The following PABPC4L variants were observed in gnomAD, a reference collection of about 807,000 sequenced individuals.
PABPC4L encodes poly(A) binding protein cytoplasmic 4 like, also known as polyadenylate-binding protein 4-like.
For missense variants in PABPC4L, 452 were observed against 451.4 expected (o/e 1.00, Z -0.01); for synonymous variants, 169 against 164.1 (o/e 1.03, Z -0.23).
chr4:134,163,016 A>C, the PABPC4L span, among the ~76,000 whole-genome samples: 1 of 152,122 alleles, frequency 6.6e-6, no homozygotes, highest in African/African-American at 2.4e-5. Flanking sequence ...AAAGATCAGA[A>C]TAGAACTACA....
chr4:134,081,137 T>C, the PABPC4L span, among the ~76,000 whole-genome samples: 1 of 152,180 alleles, frequency 6.6e-6, no homozygotes, highest in African/African-American at 2.4e-5. Flanking sequence ...AAAGTAGGTA[T>C]TAAGAAGGAC....
the PABPC4L span, among the ~76,000 whole-genome samples, chr4:134,069,582 G>C: frequency 3.3e-5 from 5 of 152,168 alleles, 1 homozygote; most frequent in South Asian, 8.3e-4. Flanking sequence ...TAAGCTCTGA[G>C]ATTCTTTCCT....
the PABPC4L span, among the ~76,000 whole-genome samples, chr4:134,144,379 T>A: frequency 6.6e-6 from 1 of 151,552 alleles, no homozygotes; most frequent in Non-Finnish European, 1.5e-5. Flanking sequence ...TATTAAATAA[T>A]CTCTGTGTAT....
chr4:134,169,602 A>T, the PABPC4L span, among the ~76,000 whole-genome samples: 1 of 152,112 alleles, frequency 6.6e-6, no homozygotes, highest in African/African-American at 2.4e-5. Context: ...ATTGCAGGAT[A>T]CAAAATCAAC....
At chr4:134,115,933 T>C in the PABPC4L span, among the ~76,000 whole-genome samples, 1 of 151,804 alleles carries the variant, frequency 6.6e-6, no homozygotes, top group African/African-American at 2.4e-5. Flanking sequence ...ATTATTTGTA[T>C]AAAAGAATAT....
At chr4:133,981,969 T>A in the PABPC4L span, among the ~76,000 whole-genome samples, 1 of 152,132 alleles carries the variant, frequency 6.6e-6, no homozygotes, top group African/African-American at 2.4e-5. Flanking sequence ...TGGACTTTTT[T>A]GTATATTTAA....
At chr4:133,972,938 G>A in the PABPC4L span, among the ~76,000 whole-genome samples, 1 of 152,220 alleles carries the variant, frequency 6.6e-6, no homozygotes. Flanking sequence ...CTCAAACACA[G>A]AAGCGAGATG....
the PABPC4L span, among the ~76,000 whole-genome samples, chr4:134,095,543 C>T: frequency 6.6e-6 from 1 of 151,896 alleles, no homozygotes; most frequent in Non-Finnish European, 1.5e-5. Context: ...TTTATACTTA[C>T]TAGTAGTGAT....
chr4:134,042,761 CATAAACA>C, the PABPC4L span, among the ~76,000 whole-genome samples: 4 of 152,032 alleles, frequency 2.6e-5, no homozygotes, highest in Non-Finnish European at 5.9e-5. Flanking sequence ...ATACATTAAA[CATAAACA>C]ATAGTGAAGA....
At chr4:133,954,102 C>A in the PABPC4L span, among the ~76,000 whole-genome samples, 3 of 152,184 alleles carry the variant, frequency 2.0e-5, no homozygotes, top group African/African-American at 7.2e-5. Context: ...TGTTCTAATT[C>A]TTTCCTCAAG....
the PABPC4L span, among the ~76,000 whole-genome samples, chr4:134,129,339 A>G: frequency 1.3e-5 from 2 of 152,302 alleles, no homozygotes; most frequent in Non-Finnish European, 2.9e-5. Flanking sequence ...ACAGATATTT[A>G]CAGAACATTC....
downstream of PABPC4L, among the ~76,000 whole-genome samples, chr4:134,194,661 A>T (rs1280353588): frequency 6.6e-6 from 1 of 151,758 alleles, no homozygotes; most frequent in Non-Finnish European, 1.5e-5. Context: ...ATTTTTTCAT[A>T]AACCAGTTGG....
At position 134,200,164 on chromosome 4, in the gene PABPC4L, G is replaced by A. The variant is rs540190827; in HGVS notation, c.856C>T (p.Arg286Ter). ...KQMFEQLKRE[R>*]IRGCQGVKLY... ...TTTACCCCCTGGCACCCACGAATTC[G>A]TTCCCTTTTCAGCTGCTCAAACATT... The change falls in exon 2 of 2, where the codon CGA becomes TGA. Residue 286 changes from arginine (R) to a stop codon, truncating the protein, a stop_gained. Coordinates refer to ENST00000421491, the MANE Select transcript of PABPC4L (RefSeq NM_001114734.2). LOFTEE classifies it low-confidence loss of function (END_TRUNC). 20 of 1,551,498 alleles carry A rather than the reference G, an allele frequency of 1.3e-5. No individual in the cohort carries two copies. In the East Asian group the frequency reaches 2.0e-4, roughly 15 times the overall value.
At chr4:134,183,021 G>A in the PABPC4L span, among the ~76,000 whole-genome samples, 3 of 151,966 alleles carry the variant, frequency 2.0e-5, no homozygotes, top group East Asian at 3.9e-4. Flanking sequence ...ATGTAAATTA[G>A]TTCAGCTATG....
the PABPC4L span, among the ~76,000 whole-genome samples, chr4:134,178,365 C>CAAAA: frequency 9.6e-6 from 1 of 104,058 alleles, no homozygotes; most frequent in Non-Finnish European, 2.0e-5. Flanking sequence ...AAGAAAAAAG[C>CAAAA]AAAAAAAAAA....
chr4:134,125,146 C>T, the PABPC4L span, among the ~76,000 whole-genome samples: 8 of 152,000 alleles, frequency 5.3e-5, no homozygotes, highest in South Asian at 8.3e-4. Flanking sequence ...TTACAGAGTC[C>T]GTTGTCTACA....
chr4:134,095,909 G>A, the PABPC4L span, among the ~76,000 whole-genome samples: 1 of 151,980 alleles, frequency 6.6e-6, no homozygotes, highest in South Asian at 2.1e-4. Context: ...AGATCACTCT[G>A]GCCAAAACAG....
the PABPC4L span, among the ~76,000 whole-genome samples, chr4:134,020,444 A>G: frequency 6.6e-6 from 1 of 152,218 alleles, no homozygotes; most frequent in African/African-American, 2.4e-5. Context: ...ATATTAGGAT[A>G]TCTGGACACA....
the PABPC4L span, among the ~76,000 whole-genome samples, chr4:133,989,603 G>A: frequency 6.6e-6 from 1 of 152,080 alleles, no homozygotes; most frequent in Non-Finnish European, 1.5e-5. Flanking sequence ...TGTCTCCTGA[G>A]CCCTCCAAGT....
Sources: gnomAD v4.1 joint callset for allele counts (sites outside exome capture counted in the v4.1 genomes callset) on GRCh38, gnomAD v4.1.1 for gene constraint, MANE v1.5 for transcripts, NCBI Gene and HGNC (gene_info 2026-07-23, HGNC 2026-07-21) for gene names.